The following NKAIN2 variants were observed in gnomAD, a reference collection of about 807,000 sequenced individuals.
NKAIN2 encodes sodium/potassium transporting ATPase interacting 2.
Under a neutral mutation model 32.6 loss-of-function variants are expected in NKAIN2, and 14 were observed. The observed-to-expected ratio is 0.43, with a 90% CI of 0.28 to 0.67. The LOEUF is 0.67. NKAIN2 is among the 30% of genes least tolerant of loss of function. The pLI is 0.17. For missense variants in NKAIN2, 198 were observed against 258.3 expected (o/e 0.77, Z 1.60); for synonymous variants, 80 against 87.2 (o/e 0.92, Z 0.46).
At chr6:124,475,558 T>C (rs955424140) in intron 3 of NKAIN2, among the ~76,000 whole-genome samples, 2 of 152,120 alleles carry the variant, frequency 1.3e-5, no homozygotes, top group African/African-American at 4.8e-5. Context: ...TATAGAAAAA[T>C]TGTTCAAGAA....
Position 124,514,765 on chromosome 6 carries a change from G to GA in NKAIN2, c.274-143405dup, listed in dbSNP as rs546177544. Among the ~76,000 whole-genome samples the GA allele has an allele frequency of 8.8e-3, 966 of 110,204 alleles. 10 individuals are homozygous for GA. Among genetic ancestry groups the GA allele is most frequent in the African/African-American group, 0.019 (626 of 32,986 alleles). The allele number at this position is 110,204 out of a possible 152,430, so 72.3% of individuals were successfully genotyped here. On this transcript the variant is annotated intron_variant, in intron 3 of 6. Transcript: ENST00000368417. ...GCATGTTGGAATCAACTTGGGTATT[G>GA]AAAAAAAAAAAAAAAAGCTCATGCC... is the stretch of plus-strand genomic sequence containing the variant.
At chr6:124,648,777 A>G (rs1784266291) in intron 3 of NKAIN2, among the ~76,000 whole-genome samples, 1 of 152,242 alleles carries the variant, frequency 6.6e-6, no homozygotes, top group South Asian at 2.1e-4. Context: ...AGTGGTAGAT[A>G]TGCCACAAAG....
chr6:123,980,190 A>G (rs1315701844), intron 1 of NKAIN2, among the ~76,000 whole-genome samples: 2 of 152,222 alleles, frequency 1.3e-5, no homozygotes, highest in Non-Finnish European at 2.9e-5. Flanking sequence ...AATGACATGT[A>G]GATAAATACC....
chr6:124,415,878 C>CTTTTTTTTTTTTTTTTTTTTTTT, intron 3 of NKAIN2, among the ~76,000 whole-genome samples: 11 of 72,588 alleles, frequency 1.5e-4, no homozygotes, highest in African/African-American at 2.5e-4. Flanking sequence ...TTTTTATTTG[C>CTTTTTTTTTTTTTTTTTTTTTTT]TTTTTTTTTT....
At chr6:124,568,594 G>A (rs749771044) in intron 3 of NKAIN2, among the ~76,000 whole-genome samples, 1 of 151,928 alleles carries the variant, frequency 6.6e-6, no homozygotes, top group Non-Finnish European at 1.5e-5. Context: ...GGTTATTCTA[G>A]CCATTGATAT....
At chr6:124,691,117 G>A (rs55662631) in intron 4 of NKAIN2, among the ~76,000 whole-genome samples, 6 of 152,024 alleles carry the variant, frequency 3.9e-5, no homozygotes, top group African/African-American at 9.7e-5. Context: ...CAAATTGTGC[G>A]ATAGAAAACA....
chr6:124,644,647 G>A (rs1490199162), intron 3 of NKAIN2, among the ~76,000 whole-genome samples: 2 of 152,038 alleles, frequency 1.3e-5, no homozygotes, highest in African/African-American at 2.4e-5. Context: ...CTTGTGATCC[G>A]CCTGCCTCGG....
intron 1 of NKAIN2, among the ~76,000 whole-genome samples, chr6:123,900,532 GTTTTTTTTT>G (rs34370743): frequency 2.5e-3 from 83 of 32,776 alleles, no homozygotes; most frequent in East Asian, 5.6e-3. Flanking sequence ...CTCCAGATTA[GTTTTTTTTT>G]TTTTTTTTTT....
intron 1 of NKAIN2, among the ~76,000 whole-genome samples, chr6:124,241,818 A>G (rs886698400): frequency 6.6e-6 from 1 of 152,072 alleles, no homozygotes; most frequent in Non-Finnish European, 1.5e-5. Flanking sequence ...TTTTTTTAAA[A>G]GTACTATCAT....
At chr6:124,810,255 T>C (rs1303124942) in intron 5 of NKAIN2, among the ~76,000 whole-genome samples, 4 of 151,700 alleles carry the variant, frequency 2.6e-5, no homozygotes, top group Non-Finnish European at 4.4e-5. Context: ...AATGATAGAC[T>C]GGATTAAGAA....
chr6:124,648,279 C>T (rs763847209), intron 3 of NKAIN2, among the ~76,000 whole-genome samples: 1 of 152,172 alleles, frequency 6.6e-6, no homozygotes, highest in Non-Finnish European at 1.5e-5. Context: ...CTCTCCTACA[C>T]AGATTGAAAT....
At chr6:124,761,035 C>T (rs561373353) in intron 4 of NKAIN2, among the ~76,000 whole-genome samples, 1 of 152,168 alleles carries the variant, frequency 6.6e-6, no homozygotes, top group Admixed American at 6.5e-5. Flanking sequence ...TCAATTCCTT[C>T]TCTCATGTCT....
At chr6:124,495,550 C>T (rs999393706) in intron 3 of NKAIN2, among the ~76,000 whole-genome samples, 1 of 152,090 alleles carries the variant, frequency 6.6e-6, no homozygotes, top group Non-Finnish European at 1.5e-5. Context: ...TTCTAAGTAG[C>T]TCCAGCGTGA....
intron 5 of NKAIN2, among the ~76,000 whole-genome samples, chr6:124,809,176 T>C (rs1780752153): frequency 6.6e-6 from 1 of 151,924 alleles, no homozygotes; most frequent in African/African-American, 2.4e-5. Flanking sequence ...CATCGCCAAG[T>C]CAATCCTAAG....
At chr6:124,652,534 T>G (rs2114402394) in intron 3 of NKAIN2, among the ~76,000 whole-genome samples, 1 of 152,312 alleles carries the variant, frequency 6.6e-6, no homozygotes, top group East Asian at 1.9e-4. Context: ...GGTACCAGTT[T>G]TCTATCTTAG....
At chr6:124,628,890 T>C (rs890907325) in intron 3 of NKAIN2, among the ~76,000 whole-genome samples, 8 of 152,176 alleles carry the variant, frequency 5.3e-5, no homozygotes, top group African/African-American at 1.9e-4. Context: ...CAAATATTAC[T>C]ACAAAAAAGA....
chr6:124,000,319 A>C (rs1296071314), intron 1 of NKAIN2, among the ~76,000 whole-genome samples: 2 of 152,120 alleles, frequency 1.3e-5, no homozygotes, highest in Non-Finnish European at 2.9e-5. Flanking sequence ...ATGAATGCAA[A>C]TGAGCCCAAA....
At chr6:123,975,806 C>T (rs568882861) in intron 1 of NKAIN2, among the ~76,000 whole-genome samples, 28 of 151,962 alleles carry the variant, frequency 1.8e-4, no homozygotes, top group African/African-American at 5.1e-4. Flanking sequence ...CTCCTTTCAC[C>T]GTAATATCAA....
chr6:124,656,173 T>A (rs1010613625), intron 3 of NKAIN2, among the ~76,000 whole-genome samples: 2 of 152,212 alleles, frequency 1.3e-5, no homozygotes, highest in Non-Finnish European at 2.9e-5. Context: ...GGGCTCCCCA[T>A]GGACCTGATT....
Sources: gnomAD v4.1 joint callset for allele counts (sites outside exome capture counted in the v4.1 genomes callset) on GRCh38, gnomAD v4.1.1 for gene constraint, MANE v1.5 for transcripts, NCBI Gene and HGNC (gene_info 2026-07-23, HGNC 2026-07-21) for gene names.